PRKN: variants seen among roughly 807,000 people sequenced by gnomAD.
PRKN encodes the protein E3 ubiquitin-protein ligase parkin.
In PRKN, 56 loss-of-function variants were observed where a neutral mutation model predicts 59.5. The observed-to-expected ratio is 0.94, with a 90% confidence interval of 0.76 to 1.18. PRKN has a LOEUF of 1.18. Ranked by LOEUF, PRKN falls within the 50% of genes most tolerant of loss-of-function variation. The pLI is 0.00. For missense variants in PRKN, 657 were observed against 596.4 expected, an observed-to-expected ratio of 1.10 and a Z score of -1.06; for synonymous variants, 250 against 222.1, an observed-to-expected ratio of 1.13 and a Z score of -1.12.
At chr6:162,714,365 G>C (rs1171218892) in intron 1 of PRKN, among the ~76,000 whole-genome samples, 3 of 152,174 alleles carry the variant, frequency 2.0e-5, no homozygotes, top group Non-Finnish European at 4.4e-5. Context: ...GGAGATGCAG[G>C]GACACTGGTG....
chr6:162,282,644 T>G (rs1420704445), intron 2 of PRKN, among the ~76,000 whole-genome samples: 1 of 152,204 alleles, frequency 6.6e-6, no homozygotes, highest in Non-Finnish European at 1.5e-5. Context: ...TACATACAAT[T>G]GGTAAACATT....
At chr6:161,505,536 C>G (rs538548749) in intron 9 of PRKN, among the ~76,000 whole-genome samples, 94 of 152,204 alleles carry the variant, frequency 6.2e-4, no homozygotes, top group African/African-American at 2.2e-3. Flanking sequence ...TTAATGAGAT[C>G]CCATTTGTCA....
chr6:162,632,388 A>T (rs73597914), intron 1 of PRKN, among the ~76,000 whole-genome samples: 5,056 of 152,274 alleles, frequency 0.033, 303 homozygotes, highest in African/African-American at 0.11. Context: ...CCATAATCCT[A>T]AATGAATTAA....
At chr6:161,859,263 C>T (rs951620058) in intron 6 of PRKN, among the ~76,000 whole-genome samples, 5 of 152,040 alleles carry the variant, frequency 3.3e-5, no homozygotes, top group Non-Finnish European at 7.4e-5. Context: ...AAATAGGCCA[C>T]GTGTGCTAAT....
At chr6:161,747,185 C>G (rs544072682) in intron 7 of PRKN, among the ~76,000 whole-genome samples, 2 of 152,218 alleles carry the variant, frequency 1.3e-5, no homozygotes, top group South Asian at 4.2e-4. Flanking sequence ...AGGCCCCTGT[C>G]CTATAATATA....
rs570394845 is a variant in PRKN, at chr6:161,461,764, T to C, written c.1084-74887A>G. On this transcript the variant is annotated intron_variant, in intron 9 of 11. Transcript: ENST00000366898. The surrounding 1 kb of genome is among the most constrained non-coding windows in gnomAD (Gnocchi z 5.1). ...TGACATTTTACATTTGAAATGCTTA[T>C]GAAAATTCCAAATGGAGGTATCCAG... 3.3e-5 allele frequency among the ~76,000 whole-genome samples: 5 copies of C among 152,280 alleles called. No individual in the cohort carries two copies. The South Asian group carries it at 1.0e-3, about 32-fold the overall frequency.
intron 2 of PRKN, among the ~76,000 whole-genome samples, chr6:162,441,647 T>C (rs1237053603): frequency 6.6e-6 from 1 of 152,192 alleles, no homozygotes; most frequent in Non-Finnish European, 1.5e-5. Flanking sequence ...TTAGGGCTCA[T>C]AAATAAAGAG....
rs1337307462 is a variant in PRKN, at chr6:161,385,691, AC to A, written c.1167+1102del. On this transcript the variant is annotated intron_variant, in intron 10 of 11. Transcript: ENST00000366898. This position sits in a 1 kb window ranked among gnomAD's most constrained non-coding sequence, Gnocchi z 4.9. The stretch of plus-strand genomic sequence containing the variant: ...CTCCGTTTCCCAGAGCCTCAGGTAT[AC>A]CCGCCTCCATTACAGCGGTCCTGAG... Among the ~76,000 whole-genome samples the A allele has an allele frequency of 1.3e-5, 2 of 152,028 alleles. No individual in the cohort carries two copies. Among genetic ancestry groups the A allele is most frequent in the East Asian group, 3.9e-4 (2 of 5,182 alleles).
chr6:161,700,641 C>T (rs1029854904), intron 7 of PRKN, among the ~76,000 whole-genome samples: 5 of 152,182 alleles, frequency 3.3e-5, no homozygotes, highest in African/African-American at 1.2e-4. Flanking sequence ...GTGAGCACAA[C>T]ATAAGAAATT....
chr6:161,979,166 G>T (rs1619122), intron 5 of PRKN, among the ~76,000 whole-genome samples: 66,439 of 151,348 alleles, frequency 0.44, 15,000 homozygotes, highest in Middle Eastern at 0.58. Flanking sequence ...TTTTGTTTTT[G>T]TTTTTCCAAA....
At chr6:162,356,756 AAAAAAAAAAAAAAAG>A (rs1341094903) in intron 2 of PRKN, among the ~76,000 whole-genome samples, 1 of 149,100 alleles carries the variant, frequency 6.7e-6, no homozygotes, top group African/African-American at 2.4e-5. Flanking sequence ...GTAAAAAAAA[AAAAAAAAAAAAAAAG>A]ATAAGATAGA....
At chr6:162,462,714 C>T (rs1426000459) in intron 1 of PRKN, among the ~76,000 whole-genome samples, 1 of 152,098 alleles carries the variant, frequency 6.6e-6, no homozygotes, top group Non-Finnish European at 1.5e-5. Flanking sequence ...AAAAATATTA[C>T]GGATCCACCA....
At position 161,473,893 on chromosome 6, in the gene PRKN, T is replaced by C. The variant is rs894969646; in HGVS notation, c.1083+74961A>G. On this transcript the variant is annotated intron_variant, in intron 9 of 11. Coordinates refer to ENST00000366898, the MANE Select transcript of PRKN (RefSeq NM_004562.3). The surrounding 1 kb of genome is among the most constrained non-coding windows in gnomAD (Gnocchi z 4.1). Reference sequence around the variant, plus strand: ...GAGAGCAGGTGGAGTGGCATTTTTATATACAAGATCGCTAGGATGGAGGGC... The same window carrying C: ...GAGAGCAGGTGGAGTGGCATTTTTACATACAAGATCGCTAGGATGGAGGGC... Among the ~76,000 whole-genome samples the C allele has an allele frequency of 6.6e-6, 1 of 152,152 alleles. No homozygotes were observed. The highest frequency in any genetic ancestry group is 2.4e-5 in the African/African-American group (1 of 41,448).
At chr6:161,940,814 G>A (rs549949429) in intron 6 of PRKN, among the ~76,000 whole-genome samples, 1 of 152,308 alleles carries the variant, frequency 6.6e-6, no homozygotes, top group South Asian at 2.1e-4. Context: ...TACAATGCAG[G>A]ACCACCCATT....
intron 2 of PRKN, among the ~76,000 whole-genome samples, chr6:162,378,835 A>G (rs1237798140): frequency 2.0e-5 from 3 of 152,198 alleles, no homozygotes. Context: ...GGTCAGTTTT[A>G]AGATGATTCC....
chr6:162,670,972 C>A (rs900207953), intron 1 of PRKN, among the ~76,000 whole-genome samples: 1 of 152,048 alleles, frequency 6.6e-6, no homozygotes, highest in African/African-American at 2.4e-5. Context: ...ATATCAATAC[C>A]ATTCGATTGT....
chr6:162,676,463 G>C (rs997058831), intron 1 of PRKN, among the ~76,000 whole-genome samples: 11 of 152,184 alleles, frequency 7.2e-5, no homozygotes, highest in African/African-American at 2.7e-4. Context: ...TAATAAATCA[G>C]ACTGCAGCAG....
At chr6:162,000,676 TTTC>T (rs1319027524) in intron 5 of PRKN, among the ~76,000 whole-genome samples, 2 of 152,056 alleles carry the variant, frequency 1.3e-5, no homozygotes, top group African/African-American at 4.8e-5. Context: ...TTATCAATTA[TTTC>T]TTTCATGGAT....
intron 1 of PRKN, among the ~76,000 whole-genome samples, chr6:162,638,612 G>C (rs372948184): frequency 8.6e-5 from 13 of 152,030 alleles, no homozygotes; most frequent in Admixed American, 2.0e-4. Flanking sequence ...CATTCCAGTT[G>C]AATCTTTTGG....
Sources: allele counts gnomAD v4.1 joint callset (sites outside exome capture counted in the v4.1 genomes callset), GRCh38; gene constraint gnomAD v4.1.1; non-coding constraint Gnocchi (gnomAD v3.1); transcripts MANE v1.5; gene names NCBI Gene and HGNC (gene_info 2026-07-23, HGNC 2026-07-21).